ERP44: variants seen among roughly 807,000 people sequenced by gnomAD.
The protein encoded by ERP44 is endoplasmic reticulum resident protein 44.
ERP44 carries 25 observed loss-of-function variants against 53.4 expected under a neutral mutation model. The observed-to-expected ratio is 0.47, with a 90% CI of 0.34 to 0.65. The LOEUF (loss-of-function observed/expected upper bound fraction) is 0.65. Ranked by LOEUF, ERP44 falls within the 30% of genes least tolerant of loss-of-function variation. The probability of loss-of-function intolerance (pLI) is 0.01; values close to 1 mark genes in which losing one functional copy is unlikely to be tolerated. For synonymous variants in ERP44, 145 were observed against 161.2 expected (o/e 0.90, Z 0.76); for missense variants, 338 against 493.2 (o/e 0.69, Z 2.98).
intron 4 of ERP44, among the ~76,000 whole-genome samples, chr9:100,048,727 G>T (rs1389077004): frequency 2.6e-5 from 4 of 152,178 alleles, no homozygotes; most frequent in Non-Finnish European, 5.9e-5. Flanking sequence ...ACACGAATGA[G>T]CCTTGCGGAC....
intron 8 of ERP44, among the ~76,000 whole-genome samples, chr9:100,010,616 G>C (rs1830465560): frequency 6.6e-6 from 1 of 151,948 alleles, no homozygotes; most frequent in South Asian, 2.1e-4. Context: ...GAAAACCAGG[G>C]ACAGGCTGGG....
chr9:100,005,699 A>C (rs1386614741), intron 10 of ERP44, among the ~76,000 whole-genome samples: 2 of 152,232 alleles, frequency 1.3e-5, no homozygotes, highest in African/African-American at 4.8e-5. Flanking sequence ...ATCTTCTACC[A>C]AACAACCACA....
chr9:100,018,590 A>G (rs1190223420), intron 6 of ERP44, among the ~76,000 whole-genome samples: 1 of 152,188 alleles, frequency 6.6e-6, no homozygotes, highest in African/African-American at 2.4e-5. Flanking sequence ...ACTAGGGATC[A>G]AGGTCATTGG....
chr9:100,027,908 A>G (rs1830670257), intron 4 of ERP44, among the ~76,000 whole-genome samples: 2 of 152,056 alleles, frequency 1.3e-5, no homozygotes, highest in African/African-American at 4.8e-5. Context: ...AAAACAAACA[A>G]AAAAACCCCA....
chr9:100,026,558 T>C (rs530229242), intron 4 of ERP44, among the ~76,000 whole-genome samples: 51 of 152,222 alleles, frequency 3.4e-4, no homozygotes, highest in Non-Finnish European at 4.6e-4. Context: ...ATATGTTCAG[T>C]TGTAATCAGA....
chr9:100,032,111 C>T (rs1356871954), intron 4 of ERP44, among the ~76,000 whole-genome samples: 1 of 152,126 alleles, frequency 6.6e-6, no homozygotes, highest in Non-Finnish European at 1.5e-5. Flanking sequence ...GATGGGCTGG[C>T]TCCCTCTTTT....
intron 4 of ERP44, among the ~76,000 whole-genome samples, chr9:100,044,958 T>A (rs987150158): frequency 6.6e-5 from 10 of 152,196 alleles, no homozygotes; most frequent in Non-Finnish European, 8.8e-5. Flanking sequence ...TCCATTTCTA[T>A]GGGGAATTCA....
chr9:100,076,572 C>T (rs978584440), intron 1 of ERP44, among the ~76,000 whole-genome samples: 1 of 152,182 alleles, frequency 6.6e-6, no homozygotes, highest in Admixed American at 6.5e-5. Context: ...AAGCAGTGTA[C>T]CTGGCTGTGC....
intron 1 of ERP44, among the ~76,000 whole-genome samples, chr9:100,078,476 C>T (rs1178057400): frequency 4.3e-5 from 6 of 137,958 alleles, no homozygotes; most frequent in Admixed American, 7.4e-5. Context: ...AAAAAAAGTC[C>T]GGGTGCAGCG....
chr9:99,994,663 A>G (rs1262382587), intron 10 of ERP44, among the ~76,000 whole-genome samples: 1 of 152,220 alleles, frequency 6.6e-6, no homozygotes, highest in Non-Finnish European at 1.5e-5. Flanking sequence ...ATTAAAAAAA[A>G]AATCTATTAC....
intron 10 of ERP44, chr9:99,998,402 A>G (rs1830338147): frequency 1.6e-6 from 1 of 633,820 alleles, no homozygotes; most frequent in Non-Finnish European, 2.9e-6. Context: ...ATACAGCTGC[A>G]AGGCCGGCCG....
intron 1 of ERP44, among the ~76,000 whole-genome samples, chr9:100,090,106 T>C (rs981853029): frequency 3.3e-5 from 5 of 152,186 alleles, no homozygotes; most frequent in Non-Finnish European, 7.3e-5. Context: ...ATTTAGAAAG[T>C]TTGAGGAATG....
intron 10 of ERP44, among the ~76,000 whole-genome samples, chr9:99,999,369 T>C (rs775476622): frequency 2.6e-5 from 4 of 152,130 alleles, no homozygotes; most frequent in Non-Finnish European, 5.9e-5. Context: ...GTCAGACGTA[T>C]AGATTGTGAA....
chr9:99,994,548 C>T (rs1380965290), intron 10 of ERP44, among the ~76,000 whole-genome samples: 1 of 151,956 alleles, frequency 6.6e-6, no homozygotes, highest in Non-Finnish European at 1.5e-5. Context: ...AAATACCTAA[C>T]GTAAATGACG....
chr9:99,989,305 G>C (rs542778103), intron 10 of ERP44, among the ~76,000 whole-genome samples: 1 of 152,174 alleles, frequency 6.6e-6, no homozygotes, highest in Non-Finnish European at 1.5e-5. Context: ...ACCTCATACA[G>C]CTGGGTGCCC....
chr9:99,993,754 A>AAT (rs1830280794), intron 10 of ERP44, among the ~76,000 whole-genome samples: 1 of 152,248 alleles, frequency 6.6e-6, no homozygotes, highest in African/African-American at 2.4e-5. Context: ...AATTTTTCCA[A>AAT]TCTACCCATC....
In ERP44 at chr9:99,982,134, T is replaced by C. The variant is rs1344758894; in HGVS notation, c.*478A>G. Reference sequence around the variant, plus strand: ...TATCCAACCAATCAGTAAAACACAGTACACAGTGTGAAAACTTTAATTTAT... The same window carrying C: ...TATCCAACCAATCAGTAAAACACAGCACACAGTGTGAAAACTTTAATTTAT... On this transcript the variant is annotated 3_prime_UTR_variant, in exon 12 of 12. Coordinates refer to ENST00000262455, the MANE Select transcript of ERP44 (RefSeq NM_015051.3). The C allele has an allele frequency of 6.5e-6, 1 of 152,716 alleles. No individual in the cohort carries two copies. The highest frequency in any genetic ancestry group is 1.5e-5 in the Non-Finnish European group (1 of 68,110). 9.5% of individuals were successfully genotyped at this position (152,716 alleles called of 1,614,324 possible).
intron 4 of ERP44, among the ~76,000 whole-genome samples, chr9:100,030,832 T>C (rs769593561): frequency 2.6e-5 from 4 of 152,134 alleles, no homozygotes; most frequent in Non-Finnish European, 5.9e-5. Flanking sequence ...CTGCAATAAG[T>C]AGGTCTTTCT....
At chr9:100,093,415 G>A (rs1026864430) in intron 1 of ERP44, among the ~76,000 whole-genome samples, 4 of 152,174 alleles carry the variant, frequency 2.6e-5, no homozygotes, top group Admixed American at 6.5e-5. Context: ...AGGCCAAAGC[G>A]GGTGGATCGC....
Sources: allele counts gnomAD v4.1 joint callset (sites outside exome capture counted in the v4.1 genomes callset), GRCh38; gene constraint gnomAD v4.1.1; transcripts MANE v1.5; gene names NCBI Gene and HGNC (gene_info 2026-07-23, HGNC 2026-07-21).